The following CLVS1 variants were observed in gnomAD, a reference collection of about 807,000 sequenced individuals.
CLVS1 encodes the protein clavesin 1.
A neutral mutation model predicts 33.1 loss-of-function variants in CLVS1; 10 were observed. That is an observed-to-expected ratio of 0.30 (90% CI 0.19 to 0.51). The LOEUF is 0.51. CLVS1 is among the 20% of genes least tolerant of loss of function. The probability of loss-of-function intolerance (pLI) is 0.97; values close to 1 mark genes in which losing one functional copy is unlikely to be tolerated. For missense variants in CLVS1, 343 were observed against 433.4 expected, an observed-to-expected ratio of 0.79 and a Z score of 1.85; for synonymous variants, 163 against 166.1, an observed-to-expected ratio of 0.98 and a Z score of 0.14.
intron 2 of CLVS1, among the ~76,000 whole-genome samples, chr8:61,310,106 C>T (rs2129595415): frequency 6.6e-6 from 1 of 152,248 alleles, no homozygotes; most frequent in Middle Eastern, 3.4e-3. Context: ...ACCCTGCCCC[C>T]AAAGCCTATT....
At chr8:61,131,779 A>C (rs912114394) in exon 2 of CLVS1, 5 of 151,750 alleles carry the variant, frequency 3.3e-5, no homozygotes, top group African/African-American at 9.7e-5. Flanking sequence ...GGGCCTAATC[A>C]AGGGAATGGA....
chr8:61,234,615 T>C (rs1337093909), intron 2 of CLVS1, among the ~76,000 whole-genome samples: 1 of 152,120 alleles, frequency 6.6e-6, no homozygotes, highest in Non-Finnish European at 1.5e-5. Flanking sequence ...GGAATTGGAT[T>C]ATCCAATTTT....
intron 3 of CLVS1, among the ~76,000 whole-genome samples, chr8:61,394,770 A>G (rs1367949290): frequency 6.6e-6 from 1 of 152,216 alleles, no homozygotes; most frequent in Non-Finnish European, 1.5e-5. Context: ...ACTCTTTTCC[A>G]TAATGGCTGT....
chr8:61,251,563 G>A (rs1426110341), intron 2 of CLVS1, among the ~76,000 whole-genome samples: 1 of 152,034 alleles, frequency 6.6e-6, no homozygotes, highest in Non-Finnish European at 1.5e-5. Flanking sequence ...TTGGTTGGTA[G>A]GCTATTAATT....
In CLVS1 at chr8:61,158,334, G is replaced by A. The variant is rs750127657; in HGVS notation, c.-152+26474G>A. On this transcript the variant is annotated intron_variant, in intron 2 of 2. Coordinates refer to the CLVS1 transcript ENST00000522621. ...TTCTGGAGGAACAGACTGGGAAGGG[G>A]TGGAGACACTCTCCAGCTCAATGGA... 3.0e-4 allele frequency among the ~76,000 whole-genome samples: 45 copies of A among 152,254 alleles called. No homozygotes were observed. In the Middle Eastern group the frequency reaches 0.014, roughly 46 times the overall value.
At chr8:61,407,970 C>G (rs1197300166) in intron 3 of CLVS1, among the ~76,000 whole-genome samples, 1 of 152,104 alleles carries the variant, frequency 6.6e-6, no homozygotes, top group African/African-American at 2.4e-5. Flanking sequence ...GTTTTGTGTA[C>G]AAAACTCATC....
chr8:61,103,673 C>T (rs753999473), intron 1 of CLVS1, among the ~76,000 whole-genome samples: 10 of 152,102 alleles, frequency 6.6e-5, no homozygotes, highest in South Asian at 2.1e-4. Context: ...TGATTAATGA[C>T]GAATCACTGT....
At chr8:61,018,791 T>A in the CLVS1 span, among the ~76,000 whole-genome samples, 7 of 152,238 alleles carry the variant, frequency 4.6e-5, no homozygotes, top group Non-Finnish European at 8.8e-5. Flanking sequence ...GAAAAGGGGT[T>A]TTCTACATTT....
At chr8:61,068,974 C>A (rs1235310744) in intron 1 of CLVS1, among the ~76,000 whole-genome samples, 3 of 148,990 alleles carry the variant, frequency 2.0e-5, no homozygotes, top group Admixed American at 1.3e-4. Context: ...CTGAGGAATT[C>A]TTTTTTTTTT....
intron 4 of CLVS1, among the ~76,000 whole-genome samples, chr8:61,457,380 C>G (rs1187504143): frequency 6.6e-6 from 1 of 152,184 alleles, no homozygotes; most frequent in African/African-American, 2.4e-5. Flanking sequence ...GAACTGACAT[C>G]AGTACATGGA....
At position 61,496,523 on chromosome 8, in the gene CLVS1, T is replaced by C. The variant is rs971687707; in HGVS notation, c.978-2932T>C. Among the ~76,000 whole-genome samples the C allele has an allele frequency of 2.0e-5, 3 of 152,224 alleles. No homozygotes were observed. The South Asian group carries it at 6.2e-4, about 32-fold the overall frequency. ...AACAAAGAGAAAAATGCACTGGAAA[T>C]GTGTTAGGGGGCTGGGGCTAAACTA... On this transcript the variant is annotated intron_variant, in intron 5 of 5. Transcript: ENST00000325897.
At chr8:61,223,486 A>C (rs1211320088) in intron 2 of CLVS1, among the ~76,000 whole-genome samples, 1 of 152,136 alleles carries the variant, frequency 6.6e-6, no homozygotes, top group East Asian at 1.9e-4. Context: ...TATTTTCTTT[A>C]AGAATGTCGA....
intron 2 of CLVS1, among the ~76,000 whole-genome samples, chr8:61,199,623 G>A (rs2978498): frequency 0.36 from 54,542 of 152,108 alleles, 11,968 homozygotes; most frequent in Middle Eastern, 0.57. Flanking sequence ...TTAAATGGAT[G>A]TGGTAAAAAG....
chr8:61,027,994 G>A, the CLVS1 span, among the ~76,000 whole-genome samples: 8 of 152,108 alleles, frequency 5.3e-5, no homozygotes, highest in South Asian at 1.7e-3. Context: ...AAAAGATCCC[G>A]ATGTTTTTCC....
At chr8:61,359,833 G>T (rs958819150) in intron 2 of CLVS1, among the ~76,000 whole-genome samples, 1 of 152,088 alleles carries the variant, frequency 6.6e-6, no homozygotes, top group Non-Finnish European at 1.5e-5. Context: ...TTTTGCAGAT[G>T]AGTAGCAAAC....
Position 61,126,705 on chromosome 8 carries a change from C to G in CLVS1, c.-242-5065C>G, listed in dbSNP as rs115074295. Among the ~76,000 whole-genome samples the G allele has an allele frequency of 3.5e-3, 539 of 152,330 alleles. 6 individuals are homozygous for G. Among genetic ancestry groups the G allele is most frequent in the African/African-American group, 0.013 (527 of 41,582 alleles). ...GGGAAAATTTCTCTTCTTTGCACAG[C>G]TGAATCCAAGTGTTCAAACAGTGTT... On this transcript the variant is annotated intron_variant, in intron 1 of 2. Coordinates refer to the CLVS1 transcript ENST00000522621.
intron 5 of CLVS1, among the ~76,000 whole-genome samples, chr8:61,481,321 G>C (rs1452648049): frequency 1.3e-5 from 2 of 152,190 alleles, no homozygotes; most frequent in Non-Finnish European, 2.9e-5. Context: ...GGTGATTTCT[G>C]CATTTCCAAC....
chr8:61,271,706 G>T (rs1376169733), intron 2 of CLVS1, among the ~76,000 whole-genome samples: 10 of 109,174 alleles, frequency 9.2e-5, no homozygotes, highest in Non-Finnish European at 1.5e-4. Context: ...CTCCTGTATT[G>T]GGTGCATATA....
chr8:61,329,097 C>A (rs1811492971), intron 2 of CLVS1, among the ~76,000 whole-genome samples: 1 of 152,110 alleles, frequency 6.6e-6, no homozygotes, highest in Non-Finnish European at 1.5e-5. Flanking sequence ...CCCTAATAAT[C>A]TTCTTTCTTT....
Sources: gnomAD v4.1 joint callset for allele counts (sites outside exome capture counted in the v4.1 genomes callset) on GRCh38, gnomAD v4.1.1 for gene constraint, MANE v1.5 for transcripts, NCBI Gene and HGNC (gene_info 2026-07-23, HGNC 2026-07-21) for gene names.